CAPN9: variants seen among roughly 807,000 people sequenced by gnomAD.
CAPN9 encodes the protein calpain 9.
Under a neutral mutation model 92.8 loss-of-function variants are expected in CAPN9, and 81 were observed. The ratio of observed to expected loss-of-function variants is 0.87; its 90% CI spans 0.73 to 1.05. The LOEUF (loss-of-function observed/expected upper bound fraction) is 1.05. CAPN9 is among the 50% of genes least tolerant of loss of function. The pLI, the probability that CAPN9 is intolerant of heterozygous loss-of-function variation, is 0.00. For missense variants in CAPN9, 848 were observed against 866.2 expected (o/e 0.98, Z 0.26); for synonymous variants, 304 against 328.0 (o/e 0.93, Z 0.79).
intron 13 of CAPN9, among the ~76,000 whole-genome samples, chr1:230,788,330 G>C (rs1667751236): frequency 6.6e-6 from 1 of 152,164 alleles, no homozygotes; most frequent in Non-Finnish European, 1.5e-5. Context: ...TCTTTCCACT[G>C]CTCAGCTTCC....
intron 1 of CAPN9, among the ~76,000 whole-genome samples, chr1:230,748,315 T>A (rs1664558435): frequency 6.6e-6 from 1 of 152,174 alleles, no homozygotes. Context: ...CAAGAGGTGC[T>A]AGCTTGTGCC....
At chr1:230,747,756 A>C in intron 1 of CAPN9, 47 bp downstream of exon 1, 95 of 1,547,478 alleles carry the variant, frequency 6.1e-5, no homozygotes, top group Non-Finnish European at 8.3e-5. Context: ...GCCGAGGTTC[A>C]GCAGCCCCCG....
At position 230,792,908 on chromosome 1, in the gene CAPN9, G is replaced by A. The variant is rs764796593; in HGVS notation, c.1850G>A (p.Arg617Gln). ...KSGTMSTYEL[R>Q]TALKAAGFQL... The stretch of plus-strand genomic sequence containing the variant: ...GGCACCATGTCTACCTATGAACTAC[G>A]GACTGCACTGAAAGCTGCAGGTAAA... Residue 617 changes from arginine to glutamine, a missense_variant, in exon 17 of 20, where the codon CGG becomes CAG. Transcript: ENST00000271971. 2.2e-5 allele frequency: 36 copies of A among 1,613,538 alleles called. No individual in the cohort carries two copies. The South Asian group carries it at 2.6e-4, about 12-fold the overall frequency.
chr1:230,774,600 T>C lies in CAPN9; in HGVS notation c.922T>C (p.Cys308Arg). The part of the protein sequence containing the change: ...SVGPAEQKRL[C>R]HTALDDGEFW... The stretch of plus-strand genomic sequence containing the variant: ...TGGTCCAGCTGAGCAGAAGCGTCTG[T>C]GTCACACTGCTCTGGATGATGGGGA... Residue 308 changes from cysteine (C) to arginine (R), a missense_variant, in exon 8 of 20, where the codon TGT (cysteine) becomes CGT (arginine). By Grantham distance (180) the Cys-to-Arg change is radical. Transcript: ENST00000271971. 6.2e-7 allele frequency: 1 copy of C among 1,614,074 alleles called. No individual in the cohort carries two copies. Among genetic ancestry groups the C allele is most frequent in the East Asian group, 2.2e-5 (1 of 44,884 alleles).
At chr1:230,774,843 GTGATACTC>G (rs1390842403) in intron 8 of CAPN9, among the ~76,000 whole-genome samples, 7 of 149,138 alleles carry the variant, frequency 4.7e-5, no homozygotes, top group Non-Finnish European at 3.0e-5. Flanking sequence ...CCAGGTTCAA[GTGATACTC>G]CTGCCTCAGC....
chr1:230,786,245 A>C, intron 12 of CAPN9: 2 of 817,190 alleles, frequency 2.4e-6, no homozygotes, highest in Non-Finnish European at 3.0e-6. Context: ...CTTGGTATAA[A>C]GTTCTGTTCG....
At chr1:230,791,418 G>C (rs912353217) in intron 14 of CAPN9, among the ~76,000 whole-genome samples, 12 of 152,154 alleles carry the variant, frequency 7.9e-5, no homozygotes, top group African/African-American at 2.7e-4. Context: ...CAGTATGGGA[G>C]TACAAATTTC....
chr1:230,784,596 C>A (rs1321023913), intron 11 of CAPN9, among the ~76,000 whole-genome samples: 1 of 149,180 alleles, frequency 6.7e-6, no homozygotes, highest in Admixed American at 6.7e-5. Context: ...GCCTTGACAG[C>A]TTCCATATGG....
In CAPN9 at chr1:230,780,610, GC is replaced by G. The variant is rs778837710; in HGVS notation, c.1388del (p.Pro463LeufsTer6). 3 of 1,614,042 alleles carry G rather than the reference GC, an allele frequency of 1.9e-6. No individual in the cohort carries two copies. The highest frequency in any genetic ancestry group is 1.3e-5 in the African/African-American group (1 of 74,930). On this transcript the variant is annotated frameshift_variant, in exon 11 of 20. Coordinates refer to ENST00000271971, the MANE Select transcript of CAPN9 (RefSeq NM_006615.3). LOFTEE classifies it high-confidence loss of function. ...GAGAAGTCTCCGACCGGTTCAAGCT[GC>G]CCCCTGGGGAGTACATCCTGATTCC... ...LREVSDRFKL[P>X]PGEYILIPST... is the part of the protein sequence containing the mutation.
At chr1:230,774,462 C>A in intron 7 of CAPN9, 92 bp from the exon 8 acceptor site, 1 of 860,322 alleles carries the variant, frequency 1.2e-6, no homozygotes, top group Non-Finnish European at 2.0e-6. Context: ...GGTCTTATTT[C>A]CTCCATAACC....
At chr1:230,781,647 G>A (rs976528037) in intron 11 of CAPN9, among the ~76,000 whole-genome samples, 4 of 152,156 alleles carry the variant, frequency 2.6e-5, no homozygotes, top group African/African-American at 4.8e-5. Flanking sequence ...TTCTTTTCCC[G>A]ATGACAATAT....
intron 8 of CAPN9, chr1:230,776,452 C>A (rs1327736851): frequency 6.6e-6 from 1 of 152,192 alleles, no homozygotes; most frequent in Non-Finnish European, 1.5e-5. Context: ...CATAGATAAC[C>A]ATTTTCCAGC....
Position 230,801,556 on chromosome 1 carries a change from C to G in CAPN9, c.2047-14C>G. On this transcript the variant is annotated splice_polypyrimidine_tract_variant and intron_variant, in intron 19 of 19. Coordinates refer to ENST00000271971, the MANE Select transcript of CAPN9 (RefSeq NM_006615.3). ...AAGGACAACGACCCCTCATCTCTCTCTCTCTCTTCCCAGTTCATCCATTTG... is the reference window on the plus strand; with the variant it reads ...AAGGACAACGACCCCTCATCTCTCTGTCTCTCTTCCCAGTTCATCCATTTG... The G allele has an allele frequency of 2.5e-6, 4 of 1,613,878 alleles. No individual in the cohort carries two copies. The highest frequency in any genetic ancestry group is 3.4e-6 in the Non-Finnish European group (4 of 1,179,728).
chr1:230,772,346 A>T (rs1312865688), intron 7 of CAPN9, among the ~76,000 whole-genome samples: 1 of 152,270 alleles, frequency 6.6e-6, no homozygotes, highest in Non-Finnish European at 1.5e-5. Context: ...TATTTATGTC[A>T]ATACATAAAT....
intron 16 of CAPN9, 88 bp from the exon 17 acceptor site, chr1:230,792,762 C>T: frequency 8.9e-7 from 1 of 1,123,392 alleles, no homozygotes; most frequent in South Asian, 1.3e-5. Context: ...GAGGGTAGCT[C>T]CCCCGGGCTG....
chr1:230,787,312 A>C (rs1455231191), intron 12 of CAPN9, among the ~76,000 whole-genome samples: 1 of 152,166 alleles, frequency 6.6e-6, no homozygotes, highest in Non-Finnish European at 1.5e-5. Context: ...AGGGCTCCAC[A>C]GGTCCAGCTA....
intron 18 of CAPN9, 60 bp downstream of exon 18, chr1:230,795,339 G>C: frequency 1.0e-6 from 1 of 971,982 alleles, no homozygotes. Context: ...CACCCTCCAT[G>C]AGCGCATGAG....
intron 5 of CAPN9, among the ~76,000 whole-genome samples, chr1:230,768,043 AATAAATAAATAAAAAAT>A (rs1245008964): frequency 8.4e-6 from 1 of 119,452 alleles, no homozygotes; most frequent in African/African-American, 2.8e-5. Context: ...TAAATAAATA[AATAAATAAATAAAAAAT>A]AAAATAAAAT....
At chr1:230,767,164 C>G (rs1460337258) in intron 4 of CAPN9, among the ~76,000 whole-genome samples, 1 of 152,128 alleles carries the variant, frequency 6.6e-6, no homozygotes. Context: ...CGATTTGAAC[C>G]TCACAGCAGT....
Sources: allele counts gnomAD v4.1 joint callset (sites outside exome capture counted in the v4.1 genomes callset), GRCh38; gene constraint gnomAD v4.1.1; transcripts MANE v1.5; gene names NCBI Gene and HGNC (gene_info 2026-07-23, HGNC 2026-07-21).